Variants in PRKN observed in about 807,000 individuals in gnomAD.
PRKN encodes parkin RBR E3 ubiquitin protein ligase.
PRKN carries 56 observed loss-of-function variants against 59.5 expected under a neutral mutation model. The ratio of observed to expected loss-of-function variants is 0.94; its 90% CI spans 0.76 to 1.18. PRKN has a LOEUF of 1.18. PRKN is among the 50% of genes most tolerant of loss of function. PRKN has a pLI of 0.00. For missense variants in PRKN, 657 were observed against 596.4 expected (o/e 1.10, Z -1.06); for synonymous variants, 250 against 222.1 (o/e 1.13, Z -1.12).
chr6:161,572,106 C>T (rs1007953901), intron 7 of PRKN, among the ~76,000 whole-genome samples: 6 of 152,148 alleles, frequency 3.9e-5, no homozygotes, highest in Admixed American at 2.6e-4. Context: ...AGTAAACGTC[C>T]TCTTGTCTCT....
intron 6 of PRKN, among the ~76,000 whole-genome samples, chr6:161,818,610 G>C (rs1791890326): frequency 6.6e-6 from 1 of 151,938 alleles, no homozygotes; most frequent in African/African-American, 2.4e-5. Flanking sequence ...TGGGATTCTG[G>C]GTGTGAGCCA....
chr6:162,357,863 A>G (rs975532173), intron 2 of PRKN, among the ~76,000 whole-genome samples: 1 of 152,208 alleles, frequency 6.6e-6, no homozygotes, highest in African/African-American at 2.4e-5. Context: ...AAGCAAAACT[A>G]TATATAGAAG....
At chr6:162,678,210 T>C (rs1420725543) in intron 1 of PRKN, among the ~76,000 whole-genome samples, 1 of 152,212 alleles carries the variant, frequency 6.6e-6, no homozygotes, top group Non-Finnish European at 1.5e-5. Context: ...CTGTTGATGG[T>C]TATTGGAGTT....
rs374893887 is a variant in PRKN, at chr6:161,874,296, A to G, written c.735-88388T>C. Among the ~76,000 whole-genome samples the G allele has an allele frequency of 3.3e-4, 15 of 45,784 alleles. 1 individual carries two copies. The East Asian group carries it at 5.5e-3, about 17-fold the overall frequency. 30.0% of individuals were successfully genotyped at this position (45,784 alleles called of 152,430 possible). A position where few individuals can be genotyped will look rare whatever the true frequency, so the allele number is the denominator to read the frequency against. Reference sequence around the variant, plus strand: ...TAATATATATTATATATTATATATTACATGTAAAATATTATATATAAAATA... The same window carrying G: ...TAATATATATTATATATTATATATTGCATGTAAAATATTATATATAAAATA... On this transcript the variant is annotated intron_variant, in intron 6 of 11. Coordinates refer to ENST00000366898, the MANE Select transcript of PRKN (RefSeq NM_004562.3).
At chr6:162,260,954 G>A (rs901925533) in intron 3 of PRKN, among the ~76,000 whole-genome samples, 2 of 152,078 alleles carry the variant, frequency 1.3e-5, no homozygotes, top group Non-Finnish European at 1.5e-5. Context: ...GGTTTCAGGC[G>A]TACACTGGGG....
chr6:161,469,442 A>G (rs1790659917), intron 9 of PRKN, among the ~76,000 whole-genome samples: 1 of 152,080 alleles, frequency 6.6e-6, no homozygotes, highest in Admixed American at 6.5e-5. Context: ...CAGTGTGAGA[A>G]CAGACTAATA....
At chr6:162,615,170 CA>C (rs1414600108) in intron 1 of PRKN, among the ~76,000 whole-genome samples, 5 of 151,944 alleles carry the variant, frequency 3.3e-5, no homozygotes, top group Non-Finnish European at 7.4e-5. Context: ...CAGCCCATAT[CA>C]AAAAAAATTT....
chr6:161,404,212 TC>T (rs1787168553), intron 9 of PRKN, among the ~76,000 whole-genome samples: 1 of 152,052 alleles, frequency 6.6e-6, no homozygotes, highest in African/African-American at 2.4e-5. Context: ...AGTTCCCAGC[TC>T]TCTCACCCCA....
At chr6:162,000,308 G>A (rs1782003524) in intron 5 of PRKN, among the ~76,000 whole-genome samples, 2 of 152,068 alleles carry the variant, frequency 1.3e-5, no homozygotes, top group Non-Finnish European at 2.9e-5. Context: ...CCAGCATTTG[G>A]TGGTGTCAGT....
At chr6:162,021,047 G>A (rs1166500978) in intron 5 of PRKN, among the ~76,000 whole-genome samples, 1 of 146,870 alleles carries the variant, frequency 6.8e-6, no homozygotes, top group Non-Finnish European at 1.5e-5. Flanking sequence ...AAGTTGCAGT[G>A]AGTCGAGATC....
chr6:162,594,960 G>A (rs879411911), intron 1 of PRKN, among the ~76,000 whole-genome samples: 5 of 152,164 alleles, frequency 3.3e-5, no homozygotes, highest in Admixed American at 6.5e-5. Context: ...AGATCACGAG[G>A]TCAGGAGATC....
At chr6:162,697,602 C>T (rs537181378) in intron 1 of PRKN, among the ~76,000 whole-genome samples, 64 of 152,202 alleles carry the variant, frequency 4.2e-4, no homozygotes, top group African/African-American at 1.4e-3. Context: ...AGACTCAGTG[C>T]CTGCCTTCTA....
intron 2 of PRKN, among the ~76,000 whole-genome samples, chr6:162,320,388 AGCATTTT>A (rs1782956996): frequency 2.2e-5 from 3 of 137,768 alleles, no homozygotes; most frequent in Admixed American, 7.2e-5. Flanking sequence ...AAAAAAACCA[AGCATTTT>A]AAGATCAAAC....
In PRKN at chr6:161,569,346, C is replaced by T. The variant is rs2115479870; in HGVS notation, c.933+9G>A. ...ACAGTCTGATGCAGCCTTTGAGATG[C>T]TCACTCACCTGCTCTTCTCCCAGAA... is the stretch of plus-strand genomic sequence containing the variant. On this transcript the variant is annotated intron_variant, in intron 8 of 11. Transcript: ENST00000366898. 6.2e-7 allele frequency: 1 copy of T among 1,611,264 alleles called. No homozygotes were observed. Among genetic ancestry groups the T allele is most frequent in the Non-Finnish European group, 8.5e-7 (1 of 1,177,402 alleles).
chr6:161,531,867 G>T lies in PRKN; in HGVS notation c.1083+16987C>A, dbSNP rs972357980. Among the ~76,000 whole-genome samples, 25 of 152,108 alleles carry T rather than the reference G, an allele frequency of 1.6e-4. 1 individual carries two copies. Among genetic ancestry groups the T allele is most frequent in the Middle Eastern group, 3.2e-3 (1 of 316 alleles). ...GGATGAGAAGGATTAGATTATAAAAGAACAGCTTTGAGGAATGTTTTGGAA... is the reference window on the plus strand; with the variant it reads ...GGATGAGAAGGATTAGATTATAAAATAACAGCTTTGAGGAATGTTTTGGAA... On this transcript the variant is annotated intron_variant, in intron 9 of 11. Coordinates refer to ENST00000366898, the MANE Select transcript of PRKN (RefSeq NM_004562.3).
chr6:161,603,280 T>G (rs771018953), intron 7 of PRKN, among the ~76,000 whole-genome samples: 1 of 152,216 alleles, frequency 6.6e-6, no homozygotes, highest in Non-Finnish European at 1.5e-5. Context: ...TTTCCTATGA[T>G]CGGCTAATTT....
rs1780631509 is a variant in PRKN at position 161,566,061 on chromosome 6, ATTT to A, written c.933+3291_933+3293del. ...ACCATCAGTACATAGACATGCTGCA[ATTT>A]TTCCCATTAAGAAGGTCATTTTCTT... On this transcript the variant is annotated intron_variant, in intron 8 of 11. Coordinates refer to ENST00000366898, the MANE Select transcript of PRKN (RefSeq NM_004562.3). This position sits in a 1 kb window ranked among gnomAD's most constrained non-coding sequence, Gnocchi z 4.1. Among the ~76,000 whole-genome samples the A allele has an allele frequency of 2.0e-5, 3 of 152,038 alleles. No individual in the cohort carries two copies. The highest frequency in any genetic ancestry group is 7.2e-5 in the African/African-American group (3 of 41,392).
At chr6:162,703,397 C>A (rs1000003095) in intron 1 of PRKN, among the ~76,000 whole-genome samples, 1 of 152,142 alleles carries the variant, frequency 6.6e-6, no homozygotes, top group Non-Finnish European at 1.5e-5. Context: ...ACATGTGATA[C>A]TGTTCCATTC....
chr6:162,496,503 A>C (rs920363705), intron 1 of PRKN, among the ~76,000 whole-genome samples: 1 of 152,196 alleles, frequency 6.6e-6, no homozygotes, highest in South Asian at 2.1e-4. Flanking sequence ...CAAATATCAA[A>C]TATATAAACT....
Sources: allele counts gnomAD v4.1 joint callset (sites outside exome capture counted in the v4.1 genomes callset), GRCh38; gene constraint gnomAD v4.1.1; non-coding constraint Gnocchi (gnomAD v3.1); transcripts MANE v1.5; gene names NCBI Gene and HGNC (gene_info 2026-07-23, HGNC 2026-07-21).